The following BIRC6 variants were observed in gnomAD, a reference collection of about 807,000 sequenced individuals.
BIRC6 encodes the protein baculoviral IAP repeat containing 6, also known as dual E2 ubiquitin-conjugating enzyme/E3 ubiquitin-protein ligase BIRC6.
BIRC6 carries 98 observed loss-of-function variants against 503.3 expected under a neutral mutation model. That is an observed-to-expected ratio of 0.19 (90% confidence interval 0.17 to 0.23). BIRC6 has a LOEUF of 0.23. Among genes scored for constraint, BIRC6 ranks in the 10% least tolerant of loss-of-function variants. The pLI is 1.00. For synonymous variants in BIRC6, 2,240 were observed against 2,078.7 expected (o/e 1.08, Z -2.11); for missense variants, 5,360 against 5,806.0 (o/e 0.92, Z 2.50).
intron 23 of BIRC6, among the ~76,000 whole-genome samples, chr2:32,455,450 G>A (rs868400833): frequency 8.6e-5 from 13 of 150,774 alleles, no homozygotes; most frequent in Non-Finnish European, 1.8e-4. Flanking sequence ...GCGAAACCTC[G>A]TCTCTACTAA....
At position 32,524,918 on chromosome 2, in the gene BIRC6, G is replaced by A. The variant is rs2056123011; in HGVS notation, c.11654G>A (p.Ser3885Asn). 2.7e-6 allele frequency: 4 copies of A among 1,508,008 alleles called. No homozygotes were observed. The highest frequency in any genetic ancestry group is 2.2e-5 in the Admixed American group (1 of 44,720). 93.4% of individuals were successfully genotyped at this position (1,508,008 alleles called of 1,614,324 possible). Residue 3885 changes from serine (S) to asparagine (N), a missense_variant, in exon 58 of 74, where the codon AGT (serine) becomes AAT (asparagine). Around this residue, in one of 16 missense-constraint regions of BIRC6, gnomAD observed 878 missense variants for 928.9 expected, o/e 0.95. Coordinates refer to ENST00000421745, the MANE Select transcript of BIRC6 (RefSeq NM_016252.4). ...CCAAGTATCACAGCTAAATTAATTA[G>A]TGAACAAAAAGATGACAAAGAAAAG... ...DTPSITAKLI[S>N]EQKDDKEKKN...
chr2:32,605,044 G>A (rs1025841994), intron 71 of BIRC6, among the ~76,000 whole-genome samples: 2 of 151,504 alleles, frequency 1.3e-5, no homozygotes, highest in East Asian at 1.9e-4. Context: ...CACCACACCC[G>A]GCTAATTTTT....
chr2:32,461,806 A>G (rs1403307663), intron 23 of BIRC6, among the ~76,000 whole-genome samples: 1 of 152,036 alleles, frequency 6.6e-6, no homozygotes, highest in African/African-American at 2.4e-5. Flanking sequence ...CTTTAGTTTC[A>G]TTTTGTAGAA....
At chr2:32,527,184 ACT>A (rs2056344024) in intron 59 of BIRC6, 2 of 152,240 alleles carry the variant, frequency 1.3e-5, no homozygotes, top group African/African-American at 4.8e-5. Flanking sequence ...GTCCATGGTT[ACT>A]CTGACACAAA....
At position 32,469,558 on chromosome 2, in the gene BIRC6, T is replaced by A; in HGVS notation, c.6291T>A (p.Ser2097=). ...AAAGGTGGTGGGGTCAATTTCTTTCTAATGTCCTTCAGGAATTGTACAATT... is the reference window on the plus strand; with the variant it reads ...AAAGGTGGTGGGGTCAATTTCTTTCAAATGTCCTTCAGGAATTGTACAATT... The part of the protein sequence containing the change: ...GGERWWGQFL[S]NVLQELYNSE... Residue 2097 remains serine, a synonymous_variant, in exon 30 of 74, where the codon TCT becomes TCA. Coordinates refer to ENST00000421745, the MANE Select transcript of BIRC6 (RefSeq NM_016252.4). 1 of 1,613,924 alleles carries A rather than the reference T, an allele frequency of 6.2e-7. No individual in the cohort carries two copies. The highest frequency in any genetic ancestry group is 2.2e-5 in the East Asian group (1 of 44,874).
chr2:32,435,458 A>G, intron 13 of BIRC6, 38 bp from the exon 14 acceptor site: 1 of 1,515,274 alleles, frequency 6.6e-7, no homozygotes, highest in Non-Finnish European at 8.8e-7. Flanking sequence ...CTCTAGAAAC[A>G]GCAGTAGATA....
At chr2:32,512,900 G>T in intron 53 of BIRC6, 33 bp from the exon 54 acceptor site, 1 of 1,574,114 alleles carries the variant, frequency 6.4e-7, no homozygotes. Context: ...GCACTATATA[G>T]TTGGTTATAT....
intron 10 of BIRC6, among the ~76,000 whole-genome samples, chr2:32,416,382 CA>C (rs1298396254): frequency 2.6e-5 from 4 of 151,966 alleles, no homozygotes; most frequent in Admixed American, 2.6e-4. Context: ...AGTCACTTAG[CA>C]AGTATCTTCT....
intron 24 of BIRC6, 65 bp downstream of exon 24, chr2:32,463,446 A>T (rs1282063806): frequency 5.0e-5 from 71 of 1,425,090 alleles, no homozygotes; most frequent in Non-Finnish European, 6.4e-5. Flanking sequence ...AAAGTACTTT[A>T]AAAATGACCA....
rs776210613 is a variant in BIRC6 at position 32,482,556 on chromosome 2, A to T, written c.7670A>T (p.Gln2557Leu). Residue 2557 changes from glutamine to leucine, a missense_variant, in exon 39 of 74, where the codon CAG becomes CTG. Gln to Leu is a moderately radical substitution (Grantham distance 113). Coordinates refer to ENST00000421745, the MANE Select transcript of BIRC6 (RefSeq NM_016252.4). The stretch of plus-strand genomic sequence containing the variant: ...GCAAACACGGAGAAGAACGGATCAC[A>T]GACAGTTAGCGTTTCAGTCTCTCAG... ...PPANTEKNGS[Q>L]TVSVSVSQAL... 2 of 1,613,980 alleles carry T rather than the reference A, an allele frequency of 1.2e-6. No individual in the cohort carries two copies. The highest frequency in any genetic ancestry group is 2.2e-5 in the South Asian group (2 of 91,090).
At chr2:32,604,808 T>C (rs1315243698) in intron 71 of BIRC6, among the ~76,000 whole-genome samples, 1 of 152,180 alleles carries the variant, frequency 6.6e-6, no homozygotes, top group African/African-American at 2.4e-5. Context: ...AAGGGTTTGC[T>C]ATACAGATTA....
At chr2:32,368,569 A>AT (rs1211700846) in intron 1 of BIRC6, among the ~76,000 whole-genome samples, 5 of 152,100 alleles carry the variant, frequency 3.3e-5, no homozygotes, top group African/African-American at 1.2e-4. Flanking sequence ...AAATAAATAA[A>AT]AAATAAAACA....
rs569729786 is a variant in BIRC6 at position 32,512,456 on chromosome 2, A to T, written c.10347-477A>T. 7.2e-5 allele frequency among the ~76,000 whole-genome samples: 11 copies of T among 152,326 alleles called. No homozygotes were observed. In the South Asian group the frequency reaches 2.3e-3, roughly 32 times the overall value. ...TATTAATGTTAGTTCTAAATGACAG[A>T]TACCTGTATTTTTAAAAGTACTATG... On this transcript the variant is annotated intron_variant, in intron 53 of 73. Transcript: ENST00000421745.
At position 32,433,731 on chromosome 2, in the gene BIRC6, A is replaced by C; in HGVS notation, c.3336A>C (p.Ser1112=). ...GHVDFKFVLN[S]NITNIPQIQV... Reference sequence around the variant, plus strand: ...TGGACTTCAAATTCGTTTTGAACTCAAACATCACCAATATTCCACAGATAC... The same window carrying C: ...TGGACTTCAAATTCGTTTTGAACTCCAACATCACCAATATTCCACAGATAC... Residue 1112 remains serine, a synonymous_variant, in exon 13 of 74, where the codon TCA becomes TCC. Transcript: ENST00000421745. 1 of 1,603,720 alleles carries C rather than the reference A, an allele frequency of 6.2e-7. No individual in the cohort carries two copies. Among genetic ancestry groups the C allele is most frequent in the Admixed American group, 1.7e-5 (1 of 59,840 alleles).
At position 32,531,335 on chromosome 2, in the gene BIRC6, A is replaced by G. The variant is rs200224363; in HGVS notation, c.12095-20A>G. On this transcript the variant is annotated intron_variant, in intron 60 of 73. Transcript: ENST00000421745. ...TATACCCTTTCTTACCTATTCAGTT[A>G]TTTGTAATTTATTGTCTAGATCATG... 279 of 1,582,964 alleles carry G rather than the reference A, an allele frequency of 1.8e-4. 1 individual carries two copies. The African/African-American group carries it at 3.5e-3, about 20-fold the overall frequency.
chr2:32,601,165 C>T lies in BIRC6; in HGVS notation c.13992+1265C>T, dbSNP rs75082968. 6.5e-4 allele frequency among the ~76,000 whole-genome samples: 99 copies of T among 152,340 alleles called. 4 individuals are homozygous for T. In the East Asian group the frequency reaches 0.019, roughly 28 times the overall value. On this transcript the variant is annotated intron_variant, in intron 70 of 73. Coordinates refer to ENST00000421745, the MANE Select transcript of BIRC6 (RefSeq NM_016252.4). ...ACAGCACTTTGAATAATACACAAGA[C>T]TTCACAGATACAACTCATTAAATTA...
chr2:32,562,983 C>T (rs906717881), intron 65 of BIRC6, among the ~76,000 whole-genome samples: 5 of 152,164 alleles, frequency 3.3e-5, no homozygotes, highest in Admixed American at 6.5e-5. Flanking sequence ...TCTTAATTGT[C>T]GCAGCATTAT....
At chr2:32,491,599 A>G (rs370107711) in intron 44 of BIRC6, 41 bp downstream of exon 44, 63 of 1,583,536 alleles carry the variant, frequency 4.0e-5, no homozygotes, top group East Asian at 2.5e-4. Flanking sequence ...AGACTATTCA[A>G]TAAACAGTAT....
At chr2:32,473,574 G>T (rs896929364) in intron 33 of BIRC6, among the ~76,000 whole-genome samples, 6 of 151,744 alleles carry the variant, frequency 4.0e-5, no homozygotes, top group African/African-American at 1.5e-4. Context: ...GTAATTCTCT[G>T]TGGCTTTTGT....
Sources: gnomAD v4.1 joint callset for allele counts (sites outside exome capture counted in the v4.1 genomes callset) on GRCh38, gnomAD v4.1.1 for gene constraint, gnomAD v4.1.1 regional missense constraint, MANE v1.5 for transcripts, NCBI Gene and HGNC (gene_info 2026-07-23, HGNC 2026-07-21) for gene names.